Variants in BFSP2 observed in about 807,000 individuals in gnomAD.
BFSP2 encodes beaded filament structural protein 2.
A neutral mutation model predicts 44.9 loss-of-function variants in BFSP2; 38 were observed. The ratio of observed to expected loss-of-function variants is 0.85; its 90% CI spans 0.65 to 1.11. BFSP2 has a LOEUF of 1.11. Ranked by LOEUF, BFSP2 falls within the 50% of genes least tolerant of loss-of-function variation. BFSP2 has a pLI of 0.00. For synonymous variants in BFSP2, 197 were observed against 209.9 expected, an observed-to-expected ratio of 0.94 and a Z score of 0.53; for missense variants, 525 against 533.0, an observed-to-expected ratio of 0.99 and a Z score of 0.15.
chr3:133,414,853 A>C (rs139835364), intron 1 of BFSP2, among the ~76,000 whole-genome samples: 728 of 42,892 alleles, frequency 0.017, 12 homozygotes, highest in East Asian at 0.071. Context: ...GCCCTCTTCC[A>C]TCTACTCACA....
intron 5 of BFSP2, among the ~76,000 whole-genome samples, chr3:133,470,518 T>C (rs2074152404): frequency 6.6e-6 from 1 of 152,260 alleles, no homozygotes; most frequent in Non-Finnish European, 1.5e-5. Flanking sequence ...TTGGAAAATG[T>C]TGAACACAGA....
chr3:133,425,359 C>G (rs1217298579), intron 1 of BFSP2, among the ~76,000 whole-genome samples: 1 of 152,152 alleles, frequency 6.6e-6, no homozygotes, highest in African/African-American at 2.4e-5. Context: ...TGGATGTCAA[C>G]CGTAGGTCAA....
intron 4 of BFSP2, among the ~76,000 whole-genome samples, chr3:133,451,316 A>G (rs988726347): frequency 5.4e-5 from 7 of 129,918 alleles, no homozygotes; most frequent in African/African-American, 1.1e-4. Context: ...ATGTGTTCAT[A>G]ATATGAGGTA....
intron 1 of BFSP2, among the ~76,000 whole-genome samples, chr3:133,404,466 G>A (rs1412523265): frequency 6.6e-6 from 1 of 152,102 alleles, no homozygotes; most frequent in Non-Finnish European, 1.5e-5. Context: ...TATTCTTGGG[G>A]GTTATCACCC....
intron 4 of BFSP2, among the ~76,000 whole-genome samples, chr3:133,460,866 T>C (rs748261407): frequency 6.6e-6 from 1 of 152,192 alleles, no homozygotes; most frequent in Non-Finnish European, 1.5e-5. Flanking sequence ...TATAAAGCAA[T>C]TGATCACCAG....
chr3:133,467,923 A>C (rs1171721190), intron 5 of BFSP2, among the ~76,000 whole-genome samples: 2 of 152,174 alleles, frequency 1.3e-5, no homozygotes, highest in Non-Finnish European at 2.9e-5. Flanking sequence ...AGAGTAATAG[A>C]GTCAGAAGGG....
rs191987089 is a variant in BFSP2 at position 133,412,871 on chromosome 3, T to C, written c.489+12299T>C. ...GACCAGCAGTGAGACAGGAAGCGGC[T>C]GCAATGTCTGACACAGAGAAACAAC... On this transcript the variant is annotated intron_variant, in intron 1 of 6. Transcript: ENST00000302334. 1.6e-4 allele frequency among the ~76,000 whole-genome samples: 24 copies of C among 152,312 alleles called. No individual in the cohort carries two copies. In the East Asian group the frequency reaches 3.5e-3, roughly 22 times the overall value.
chr3:133,451,189 T>C (rs1576588853), intron 4 of BFSP2, among the ~76,000 whole-genome samples: 1 of 146,054 alleles, frequency 6.8e-6, no homozygotes, highest in Non-Finnish European at 1.5e-5. Context: ...ATTATAAGAG[T>C]GAAAAAAACA....
chr3:133,470,948 A>T (rs1445571172), intron 5 of BFSP2, among the ~76,000 whole-genome samples: 2 of 152,082 alleles, frequency 1.3e-5, no homozygotes, highest in African/African-American at 4.8e-5. Flanking sequence ...GGACTTGGGG[A>T]TGAGTAGGAG....
At chr3:133,416,144 TCCC>T (rs559781162) in intron 1 of BFSP2, among the ~76,000 whole-genome samples, 80 of 115,714 alleles carry the variant, frequency 6.9e-4, no homozygotes, top group African/African-American at 2.7e-3. Flanking sequence ...ACCCCTGCCC[TCCC>T]CCTTCACCAC....
At chr3:133,446,161 C>G (rs912387163) in intron 1 of BFSP2, among the ~76,000 whole-genome samples, 2 of 152,138 alleles carry the variant, frequency 1.3e-5, no homozygotes, top group Non-Finnish European at 2.9e-5. Context: ...TGGCTTACAC[C>G]TGTAACCCCA....
intron 1 of BFSP2, among the ~76,000 whole-genome samples, chr3:133,415,862 T>C: frequency 8.5e-6 from 1 of 117,898 alleles, no homozygotes. Flanking sequence ...CTCTCCCCTC[T>C]ACTCACCCTC....
intron 5 of BFSP2, among the ~76,000 whole-genome samples, chr3:133,469,001 G>A (rs2074137279): frequency 6.6e-6 from 1 of 152,178 alleles, no homozygotes. Context: ...ATATAAAATT[G>A]CTATAATAGC....
At chr3:133,413,362 TAAAC>T (rs2073475018) in intron 1 of BFSP2, among the ~76,000 whole-genome samples, 1 of 151,930 alleles carries the variant, frequency 6.6e-6, no homozygotes, top group African/African-American at 2.4e-5. Flanking sequence ...CCAGCCAAAT[TAAAC>T]AAGCGTACAG....
chr3:133,423,440 C>G (rs1433858128), intron 1 of BFSP2, among the ~76,000 whole-genome samples: 1 of 152,044 alleles, frequency 6.6e-6, no homozygotes, highest in Non-Finnish European at 1.5e-5. Flanking sequence ...TGGTAGTAAT[C>G]TGCGTCATCA....
At chr3:133,456,569 A>G (rs1405081376) in intron 4 of BFSP2, among the ~76,000 whole-genome samples, 3 of 152,104 alleles carry the variant, frequency 2.0e-5, no homozygotes, top group Admixed American at 6.5e-5. Flanking sequence ...CAACATGGCA[A>G]AACCCTGTCT....
intron 5 of BFSP2, among the ~76,000 whole-genome samples, chr3:133,468,345 T>C (rs993402606): frequency 3.3e-5 from 5 of 152,180 alleles, no homozygotes; most frequent in African/African-American, 4.8e-5. Context: ...ACTTGTAAAG[T>C]GAGGATCTAT....
chr3:133,454,328 C>G (rs1432341421), intron 4 of BFSP2, among the ~76,000 whole-genome samples: 1 of 152,180 alleles, frequency 6.6e-6, no homozygotes, highest in Non-Finnish European at 1.5e-5. Flanking sequence ...GAGACCCCAT[C>G]TCTTTTTTAA....
chr3:133,403,871 G>A (rs2073382166), intron 1 of BFSP2, among the ~76,000 whole-genome samples: 1 of 152,128 alleles, frequency 6.6e-6, no homozygotes, highest in South Asian at 2.1e-4. Context: ...CCAGGAAGAG[G>A]AGCCAGGAGG....
Sources: gnomAD v4.1 joint callset for allele counts (sites outside exome capture counted in the v4.1 genomes callset) on GRCh38, gnomAD v4.1.1 for gene constraint, MANE v1.5 for transcripts, NCBI Gene and HGNC (gene_info 2026-07-23, HGNC 2026-07-21) for gene names.